CORO1C: variants seen among roughly 807,000 people sequenced by gnomAD.
The protein encoded by CORO1C is coronin 1C, also known as coronin-1C.
In CORO1C, 14 loss-of-function variants were observed where a neutral mutation model predicts 51.2. The ratio of observed to expected loss-of-function variants is 0.27; its 90% confidence interval spans 0.18 to 0.43. The LOEUF (loss-of-function observed/expected upper bound fraction) is 0.43, where lower values mean the gene tolerates loss of function less well. Ranked by LOEUF, CORO1C falls within the 20% of genes least tolerant of loss-of-function variation. The probability of loss-of-function intolerance (pLI) is 1.00; values close to 1 mark genes in which losing one functional copy is unlikely to be tolerated. For missense variants in CORO1C, 417 were observed against 607.8 expected, an observed-to-expected ratio of 0.69 and a Z score of 3.30; for synonymous variants, 181 against 210.5, an observed-to-expected ratio of 0.86 and a Z score of 1.21.
chr12:108,697,148 A>G (rs1190945496), intron 2 of CORO1C, among the ~76,000 whole-genome samples: 1 of 152,214 alleles, frequency 6.6e-6, no homozygotes, highest in Non-Finnish European at 1.5e-5. Flanking sequence ...AGCCTTATTT[A>G]CTGCTGACAC....
intron 1 of CORO1C, among the ~76,000 whole-genome samples, chr12:108,705,853 A>G (rs1297665901): frequency 6.6e-6 from 1 of 152,126 alleles, no homozygotes; most frequent in East Asian, 1.9e-4. Flanking sequence ...CATTATATCA[A>G]TAGAAGAAAA....
Position 108,648,857 on chromosome 12 carries a change from G to C in CORO1C, c.1060-7C>G, listed in dbSNP as rs1441961672. ...CATCTTGGAAAAGGTCAGACTACAA[G>C]AGACATTTGGCACCCGTGGGTAAGG... On this transcript the variant is annotated splice_polypyrimidine_tract_variant and splice_region_variant and intron_variant, in intron 9 of 10. Transcript: ENST00000261401. The C allele has an allele frequency of 1.2e-6, 2 of 1,614,114 alleles. No homozygotes were observed. Among genetic ancestry groups the C allele is most frequent in the South Asian group, 2.2e-5 (2 of 91,070 alleles).
intron 6 of CORO1C, 120 bp downstream of exon 6, chr12:108,657,184 C>T: frequency 7.5e-7 from 1 of 1,342,106 alleles, no homozygotes; most frequent in Non-Finnish European, 1.0e-6. Flanking sequence ...CAATCTAAGA[C>T]AATCAGGCGT....
chr12:108,730,530 T>C (rs566116477), intron 1 of CORO1C: 1 of 152,278 alleles, frequency 6.6e-6, no homozygotes, highest in East Asian at 1.9e-4. Context: ...TCTGACCTCA[T>C]CCTCAGTCAT....
chr12:108,653,850 C>G (rs1305684801), intron 7 of CORO1C, among the ~76,000 whole-genome samples: 1 of 152,170 alleles, frequency 6.6e-6, no homozygotes, highest in Non-Finnish European at 1.5e-5. Flanking sequence ...CTTCCAAGTC[C>G]ATGGTGTGTG....
chr12:108,662,198 T>A, intron 3 of CORO1C, 40 bp from the exon 4 acceptor site: 1 of 1,582,642 alleles, frequency 6.3e-7, no homozygotes. Context: ...ATGAAAGCTA[T>A]TGCCTTTCAT....
chr12:108,693,367 G>A (rs2034563589), intron 2 of CORO1C, among the ~76,000 whole-genome samples: 1 of 152,126 alleles, frequency 6.6e-6, no homozygotes, highest in South Asian at 2.1e-4. Flanking sequence ...CTGACATTCT[G>A]CAGTCTCATT....
intron 4 of CORO1C, among the ~76,000 whole-genome samples, chr12:108,660,780 C>T (rs890071441): frequency 1.3e-4 from 20 of 152,142 alleles, no homozygotes; most frequent in African/African-American, 4.8e-4. Flanking sequence ...TCTCCTTAAT[C>T]AGACTGAGGT....
chr12:108,662,927 T>C lies in CORO1C; in HGVS notation c.319-769A>G, dbSNP rs541034144. Among the ~76,000 whole-genome samples, 16 of 152,218 alleles carry C rather than the reference T, an allele frequency of 1.1e-4. No individual in the cohort carries two copies. The East Asian group carries it at 1.9e-3, about 18-fold the overall frequency. ...GAGAAAATAACTTACAAATCATACA[T>C]TTGATAAGAGACCCATAGCCTGAAT... On this transcript the variant is annotated intron_variant, in intron 3 of 10. Transcript: ENST00000261401.
At position 108,676,837 on chromosome 12, in the gene CORO1C, C is replaced by A. The variant is rs147380492; in HGVS notation, c.318+1435G>T. On this transcript the variant is annotated intron_variant, in intron 3 of 10. Coordinates refer to ENST00000261401, the MANE Select transcript of CORO1C (RefSeq NM_014325.4). ...ATTCCTTTCTCTTAACAAAATGCGT[C>A]CATAGCCATTAAAATGATCAATTTA... Among the ~76,000 whole-genome samples, 484 of 151,900 alleles carry A rather than the reference C, an allele frequency of 3.2e-3. 5 individuals are homozygous for A. Among genetic ancestry groups the A allele is most frequent in the African/African-American group, 0.011 (461 of 41,444 alleles).
chr12:108,652,520 G>T, intron 7 of CORO1C, 103 bp from the exon 8 acceptor site: 1 of 823,806 alleles, frequency 1.2e-6, no homozygotes. Context: ...TTGGGACCCC[G>T]CTTCAGTAGC....
intron 1 of CORO1C, among the ~76,000 whole-genome samples, chr12:108,710,698 G>C (rs546088480): frequency 1.3e-5 from 2 of 151,988 alleles, no homozygotes; most frequent in African/African-American, 4.8e-5. Context: ...CGAGTAGCTG[G>C]GACAACAGGT....
chr12:108,694,057 C>T (rs1419638504), intron 2 of CORO1C, among the ~76,000 whole-genome samples: 1 of 152,006 alleles, frequency 6.6e-6, no homozygotes, highest in Non-Finnish European at 1.5e-5. Context: ...TTTGGGAGGG[C>T]AAGGCAAGAG....
chr12:108,652,756 A>AAAAC (rs1001271350), intron 7 of CORO1C, among the ~76,000 whole-genome samples: 6 of 140,920 alleles, frequency 4.3e-5, no homozygotes, highest in Admixed American at 1.4e-4. Flanking sequence ...TCAACTGTGA[A>AAAAC]AAACAAACAA....
rs192207680 is a variant in CORO1C at position 108,691,766 on chromosome 12, A to C, written c.195+9358T>G. Among the ~76,000 whole-genome samples, 8 of 152,322 alleles carry C rather than the reference A, an allele frequency of 5.3e-5. No homozygotes were observed. In the East Asian group the frequency reaches 9.7e-4, roughly 18 times the overall value. On this transcript the variant is annotated intron_variant, in intron 2 of 10. Transcript: ENST00000261401. ...GGCCTGCGGGCCGGCTGCTGTGGAC[A>C]TATCAGTGAACTGCAGCAGCAGGAG...
At chr12:108,715,376 C>T (rs980893192) in intron 1 of CORO1C, among the ~76,000 whole-genome samples, 5 of 152,086 alleles carry the variant, frequency 3.3e-5, no homozygotes, top group Admixed American at 2.0e-4. Flanking sequence ...AGAAATTTTG[C>T]AGTTACTAAA....
chr12:108,680,722 G>A (rs750061821), intron 2 of CORO1C, among the ~76,000 whole-genome samples: 14 of 152,158 alleles, frequency 9.2e-5, no homozygotes, highest in African/African-American at 2.9e-4. Flanking sequence ...AACATTACCC[G>A]AAATTTAACA....
At chr12:108,691,420 G>A (rs1251338497) in intron 2 of CORO1C, among the ~76,000 whole-genome samples, 1 of 152,202 alleles carries the variant, frequency 6.6e-6, no homozygotes, top group Admixed American at 6.5e-5. Flanking sequence ...AGAGTAATGT[G>A]TGTTCAGATA....
chr12:108,714,637 C>G (rs974182444), intron 1 of CORO1C, among the ~76,000 whole-genome samples: 1 of 151,868 alleles, frequency 6.6e-6, no homozygotes, highest in African/African-American at 2.4e-5. Flanking sequence ...TGGCGCATGC[C>G]TGTGGTCCCA....
Sources: allele counts gnomAD v4.1 joint callset (sites outside exome capture counted in the v4.1 genomes callset), GRCh38; gene constraint gnomAD v4.1.1; transcripts MANE v1.5; gene names NCBI Gene and HGNC (gene_info 2026-07-23, HGNC 2026-07-21).